DDHD1: variants seen among roughly 807,000 people sequenced by gnomAD.
DDHD1 encodes DDHD domain containing 1.
In DDHD1, 49 loss-of-function variants were observed where a neutral mutation model predicts 96.4. The observed-to-expected ratio is 0.51, with a 90% CI of 0.40 to 0.64. The LOEUF is 0.64. DDHD1 is among the 30% of genes least tolerant of loss of function. The probability of loss-of-function intolerance (pLI) is 0.00; values close to 1 mark genes in which losing one functional copy is unlikely to be tolerated. For missense variants in DDHD1, 1,106 were observed against 1,161.2 expected (o/e 0.95, Z 0.69); for synonymous variants, 442 against 446.5 (o/e 0.99, Z 0.13).
intron 6 of DDHD1, among the ~76,000 whole-genome samples, chr14:53,067,536 C>T (rs1257493342): frequency 6.6e-6 from 1 of 151,848 alleles, no homozygotes; most frequent in African/African-American, 2.4e-5. Context: ...CAACTCACTG[C>T]AAGCTCTGCC....
rs553611938 is a variant in DDHD1, at chr14:53,097,507, C to T, written c.1013-4063G>A. Among the ~76,000 whole-genome samples the T allele has an allele frequency of 5.9e-5, 9 of 152,022 alleles. No homozygotes were observed. In the South Asian group the frequency reaches 1.9e-3, roughly 32 times the overall value. ...CTTTCATGTGCCTTCTGGTCAGTTA[C>T]TGAGGAGCAGATGTACCACTTAGAC... is the stretch of plus-strand genomic sequence containing the variant. On this transcript the variant is annotated intron_variant, in intron 2 of 12. Coordinates refer to ENST00000673822, the MANE Select transcript of DDHD1 (RefSeq NM_001160148.2).
chr14:53,131,089 T>C (rs1005070420), intron 1 of DDHD1, among the ~76,000 whole-genome samples: 16 of 152,212 alleles, frequency 1.1e-4, no homozygotes, highest in African/African-American at 3.4e-4. Flanking sequence ...TGGTGCCAGC[T>C]TGGACAACAT....
chr14:53,058,363 C>T (rs896708561), intron 9 of DDHD1, 114 bp downstream of exon 9: 4 of 1,219,496 alleles, frequency 3.3e-6, no homozygotes, highest in African/African-American at 1.5e-5. Context: ...GATGCGCCCG[C>T]CTCAGCCTCC....
At chr14:53,126,334 T>C (rs1331809901) in intron 1 of DDHD1, among the ~76,000 whole-genome samples, 1 of 152,232 alleles carries the variant, frequency 6.6e-6, no homozygotes, top group African/African-American at 2.4e-5. Context: ...ATTTTCATTA[T>C]AATACATCTA....
intron 11 of DDHD1, among the ~76,000 whole-genome samples, chr14:53,052,324 T>A (rs1385209802): frequency 1.3e-5 from 2 of 152,044 alleles, no homozygotes; most frequent in Admixed American, 6.6e-5. Context: ...ACAACACTAG[T>A]TCTTCACATA....
At chr14:53,098,194 T>C (rs1186945174) in intron 2 of DDHD1, among the ~76,000 whole-genome samples, 2 of 152,046 alleles carry the variant, frequency 1.3e-5, no homozygotes, top group Non-Finnish European at 1.5e-5. Flanking sequence ...TTACACAGTA[T>C]TAGCAAAAGA....
At chr14:53,124,196 G>A (rs1889242986) in intron 1 of DDHD1, among the ~76,000 whole-genome samples, 1 of 150,868 alleles carries the variant, frequency 6.6e-6, no homozygotes, top group Non-Finnish European at 1.5e-5. Flanking sequence ...GATCACGCCA[G>A]TGCACTCCAG....
At chr14:53,138,535 G>A (rs982002194) in intron 1 of DDHD1, among the ~76,000 whole-genome samples, 8 of 152,232 alleles carry the variant, frequency 5.3e-5, no homozygotes, top group African/African-American at 1.9e-4. Flanking sequence ...AAACGGCTAT[G>A]AGGAGGGTAA....
chr14:53,101,284 TATTTTCAA>T (rs1468420289), intron 2 of DDHD1, among the ~76,000 whole-genome samples: 16 of 152,170 alleles, frequency 1.1e-4, no homozygotes, highest in African/African-American at 3.4e-4. Flanking sequence ...GACTTGTTAT[TATTTTCAA>T]ATGTACTACA....
At chr14:53,078,138 T>C (rs1303197882) in intron 4 of DDHD1, among the ~76,000 whole-genome samples, 2 of 152,194 alleles carry the variant, frequency 1.3e-5, no homozygotes, top group African/African-American at 4.8e-5. Context: ...CTCTTGGGTA[T>C]ACACATAAGC....
intron 1 of DDHD1, among the ~76,000 whole-genome samples, chr14:53,106,827 T>C (rs1887721781): frequency 6.6e-6 from 1 of 152,214 alleles, no homozygotes; most frequent in Non-Finnish European, 1.5e-5. Context: ...TTTTAATATG[T>C]AAAATTTGAA....
At chr14:53,097,016 T>C (rs780765413) in intron 2 of DDHD1, among the ~76,000 whole-genome samples, 1 of 152,004 alleles carries the variant, frequency 6.6e-6, no homozygotes, top group Admixed American at 6.6e-5. Context: ...TTGGTAGTTA[T>C]ATAAATTTCT....
chr14:53,047,044 T>C (rs1304437054), intron 12 of DDHD1, 95 bp from the exon 13 acceptor site: 2 of 927,830 alleles, frequency 2.2e-6, no homozygotes, highest in East Asian at 6.2e-5. Flanking sequence ...TTTAGCTAAA[T>C]AGAAGTGATT....
intron 8 of DDHD1, 141 bp downstream of exon 8, chr14:53,060,985 T>G: frequency 1.3e-6 from 1 of 752,964 alleles, no homozygotes; most frequent in Non-Finnish European, 2.1e-6. Context: ...GAAATGGCAG[T>G]GTCCAACATA....
intron 1 of DDHD1, among the ~76,000 whole-genome samples, chr14:53,107,706 A>T (rs1306422260): frequency 6.6e-6 from 1 of 152,064 alleles, no homozygotes; most frequent in Non-Finnish European, 1.5e-5. Flanking sequence ...CAGGAGAATC[A>T]CTTGAACCCG....
intron 4 of DDHD1, among the ~76,000 whole-genome samples, chr14:53,077,162 G>A (rs569884179): frequency 2.0e-5 from 3 of 152,174 alleles, no homozygotes; most frequent in South Asian, 4.2e-4. Context: ...TAGTTATAGG[G>A]GCTTCATCAG....
At position 53,072,707 on chromosome 14, in the gene DDHD1, C is replaced by T. The variant is rs561282005; in HGVS notation, c.1397-4G>A. 2.5e-6 allele frequency: 4 copies of T among 1,582,222 alleles called. No individual in the cohort carries two copies. In the Middle Eastern group the frequency reaches 5.1e-4, roughly 200 times the overall value. ...GGAGTAATGGAATCAACAGTGTCTA[C>T]AAAAACAAACAAAAAAAGCAAGTTA... is the stretch of plus-strand genomic sequence containing the variant. On this transcript the variant is annotated splice_region_variant and splice_polypyrimidine_tract_variant and intron_variant, in intron 5 of 12. Coordinates refer to ENST00000673822, the MANE Select transcript of DDHD1 (RefSeq NM_001160148.2).
intron 8 of DDHD1, among the ~76,000 whole-genome samples, chr14:53,059,013 C>G (rs1419988014): frequency 6.6e-6 from 1 of 152,058 alleles, no homozygotes; most frequent in Non-Finnish European, 1.5e-5. Context: ...GTGGGGAAAG[C>G]AGAATAAAAT....
At chr14:53,124,997 CGT>C (rs1566588786) in intron 1 of DDHD1, among the ~76,000 whole-genome samples, 1 of 151,976 alleles carries the variant, frequency 6.6e-6, no homozygotes, top group Non-Finnish European at 1.5e-5. Flanking sequence ...GTGTGTCTCT[CGT>C]GTCTCTGTGT....
Sources: gnomAD v4.1 joint callset for allele counts (sites outside exome capture counted in the v4.1 genomes callset) on GRCh38, gnomAD v4.1.1 for gene constraint, MANE v1.5 for transcripts, NCBI Gene and HGNC (gene_info 2026-07-23, HGNC 2026-07-21) for gene names.